Variants in SAMMSON observed in about 807,000 individuals in gnomAD.
The protein encoded by SAMMSON is long intergenic non-protein coding RNA 1212.
intron 9 of SAMMSON, among the ~76,000 whole-genome samples, chr3:70,388,109 TGAG>T (rs1559578657): frequency 6.6e-6 from 1 of 152,128 alleles, no homozygotes; most frequent in Non-Finnish European, 1.5e-5. Flanking sequence ...GCAAACCATT[TGAG>T]GAGAAGTTTA....
At chr3:70,242,292 A>C (rs1384127305) in intron 4 of SAMMSON, among the ~76,000 whole-genome samples, 1 of 152,202 alleles carries the variant, frequency 6.6e-6, no homozygotes. Flanking sequence ...TCTCTTTGGA[A>C]ATGGTGGGAA....
In SAMMSON at chr3:70,284,616, G is replaced by C. The variant is rs116291412; in HGVS notation, n.675-6563G>C. Among the ~76,000 whole-genome samples, 749 of 152,192 alleles carry C rather than the reference G, an allele frequency of 4.9e-3. 3 individuals carry two copies. The highest frequency in any genetic ancestry group is 7.3e-3 in the Non-Finnish European group (494 of 67,996). On this transcript the variant is annotated intron_variant and non_coding_transcript_variant, in intron 6 of 9. Transcript: ENST00000642114. ...TTTGCAAGGACTGAATGGAGCCAGA[G>C]GACATCTTCCTTAGAAATTAACACA...
chr3:70,323,791 A>C (rs1702556082), intron 7 of SAMMSON, among the ~76,000 whole-genome samples: 1 of 152,056 alleles, frequency 6.6e-6, no homozygotes, highest in African/African-American at 2.4e-5. Flanking sequence ...GTTCATCTGC[A>C]ACTGCCCATT....
At chr3:70,319,260 C>T (rs1286799933) in intron 7 of SAMMSON, among the ~76,000 whole-genome samples, 1 of 152,026 alleles carries the variant, frequency 6.6e-6, no homozygotes, top group Non-Finnish European at 1.5e-5. Flanking sequence ...TGGGTTTCAC[C>T]TTCCTGCACT....
At chr3:70,027,668 T>C (rs2067046332) in intron 3 of SAMMSON, among the ~76,000 whole-genome samples, 1 of 152,218 alleles carries the variant, frequency 6.6e-6, no homozygotes, top group Non-Finnish European at 1.5e-5. Flanking sequence ...TATGCATTTA[T>C]TCTCTTACAC....
chr3:70,228,172 G>C (rs1701526499), intron 4 of SAMMSON, among the ~76,000 whole-genome samples: 1 of 151,766 alleles, frequency 6.6e-6, no homozygotes, highest in Non-Finnish European at 1.5e-5. Context: ...TTAATTTTTA[G>C]AGGTTTTAGT....
At chr3:70,249,163 T>C (rs142120984) in exon 5 of SAMMSON, 24 of 152,332 alleles carry the variant, frequency 1.6e-4, no homozygotes, top group African/African-American at 5.8e-4. Flanking sequence ...GACCAAGTTC[T>C]ACATTAGGAA....
chr3:70,027,650 G>A (rs893061466), intron 3 of SAMMSON, among the ~76,000 whole-genome samples: 2 of 152,178 alleles, frequency 1.3e-5, no homozygotes, highest in Non-Finnish European at 1.5e-5. Flanking sequence ...ACACTACCAA[G>A]GTGGATCTAT....
chr3:70,089,655 C>A (rs966667431), intron 4 of SAMMSON, among the ~76,000 whole-genome samples: 11 of 152,026 alleles, frequency 7.2e-5, no homozygotes, highest in African/African-American at 2.4e-4. Context: ...AGAACGGCAC[C>A]TACCTCTTTG....
chr3:70,237,979 C>CTTTTTTTTTTTTTTTTT lies in SAMMSON; in HGVS notation n.508-11118_508-11102dup, dbSNP rs71672662. 2.6e-3 allele frequency among the ~76,000 whole-genome samples: 125 copies of CTTTTTTTTTTTTTTTTT among 48,942 alleles called. 42 individuals carry two copies. Among genetic ancestry groups the CTTTTTTTTTTTTTTTTT allele is most frequent in the African/African-American group, 5.8e-3 (55 of 9,424 alleles). 32.1% of individuals were successfully genotyped at this position (48,942 alleles called of 152,430 possible). A position where few individuals can be genotyped will look rare whatever the true frequency, so the allele number is the denominator to read the frequency against. ...GGAAAAGAAACTAATTGAGTGGTAT[C>CTTTTTTTTTTTTTTTTT]TTTTTTTTTTTTTTTTTTTTTTTTT... On this transcript the variant is annotated intron_variant and non_coding_transcript_variant, in intron 4 of 9. Transcript: ENST00000642114.
intron 4 of SAMMSON, among the ~76,000 whole-genome samples, chr3:70,141,990 T>C (rs1431244735): frequency 6.6e-6 from 1 of 152,122 alleles, no homozygotes; most frequent in Admixed American, 6.6e-5. Flanking sequence ...GATACCACCT[T>C]ACTCCTGCAA....
intron 4 of SAMMSON, chr3:70,072,627 G>A (rs1173154844): frequency 2.8e-5 from 4 of 143,568 alleles, no homozygotes; most frequent in African/African-American, 1.0e-4. Flanking sequence ...AGAAAAGGGG[G>A]GAAAATAGAA....
intron 7 of SAMMSON, among the ~76,000 whole-genome samples, chr3:70,293,014 A>G (rs1004344268): frequency 7.0e-6 from 1 of 143,692 alleles, no homozygotes; most frequent in Admixed American, 7.2e-5. Flanking sequence ...CAGGTAGTAC[A>G]GTGCAGAACT....
intron 4 of SAMMSON, among the ~76,000 whole-genome samples, chr3:70,077,538 GT>G (rs1468494819): frequency 5.3e-5 from 8 of 152,046 alleles, no homozygotes; most frequent in Admixed American, 5.2e-4. Flanking sequence ...TAGCTACTAA[GT>G]TTGGTGATAG....
chr3:70,000,461 ATTTTGTATC>A (rs1011259436), intron 1 of SAMMSON, among the ~76,000 whole-genome samples: 2 of 152,320 alleles, frequency 1.3e-5, no homozygotes, highest in Middle Eastern at 3.4e-3. Context: ...TTTCACCCAC[ATTTTGTATC>A]TGTGTTCAAG....
intron 4 of SAMMSON, among the ~76,000 whole-genome samples, chr3:70,118,940 A>G (rs576485952): frequency 1.3e-5 from 2 of 152,316 alleles, no homozygotes; most frequent in African/African-American, 4.8e-5. Flanking sequence ...TTGTTTGAAT[A>G]TATGGACCAT....
At chr3:70,249,390 G>A (rs1457548684) in intron 5 of SAMMSON, among the ~76,000 whole-genome samples, 2 of 152,084 alleles carry the variant, frequency 1.3e-5, no homozygotes, top group African/African-American at 2.4e-5. Flanking sequence ...TATGAGCATT[G>A]ATTGGAATGC....
chr3:70,424,028 T>G (rs1020726284), intron 2 of SAMMSON, among the ~76,000 whole-genome samples: 1 of 152,186 alleles, frequency 6.6e-6, no homozygotes, highest in Non-Finnish European at 1.5e-5. Flanking sequence ...AGCAATCATT[T>G]TTTATCATAA....
At chr3:70,130,874 G>A (rs1343446434) in intron 4 of SAMMSON, among the ~76,000 whole-genome samples, 1 of 152,104 alleles carries the variant, frequency 6.6e-6, no homozygotes, top group African/African-American at 2.4e-5. Flanking sequence ...GCATAGACAT[G>A]CTATTCTCTC....
Sources: gnomAD v4.1 joint callset for allele counts (sites outside exome capture counted in the v4.1 genomes callset) on GRCh38, gnomAD v4.1.1 for gene constraint, MANE v1.5 for transcripts, NCBI Gene and HGNC (gene_info 2026-07-23, HGNC 2026-07-21) for gene names.